Variants in RBFOX1 observed in about 807,000 individuals in gnomAD.
RBFOX1 encodes the protein RNA binding fox-1 homolog 1, also known as RNA binding protein fox-1 homolog 1.
RBFOX1 carries 8 observed loss-of-function variants against 57.7 expected under a neutral mutation model. The observed-to-expected ratio is 0.14, with a 90% CI of 0.08 to 0.25. The LOEUF (loss-of-function observed/expected upper bound fraction) is 0.25, where lower values mean the gene tolerates loss of function less well. Among genes scored for constraint, RBFOX1 ranks in the 10% least tolerant of loss-of-function variants. The pLI is 1.00. For missense variants in RBFOX1, 611 were observed against 548.5 expected, an observed-to-expected ratio of 1.11 and a Z score of -1.14; for synonymous variants, 326 against 222.4, an observed-to-expected ratio of 1.47 and a Z score of -4.15.
At chr16:7,351,091 G>A (rs1196202953) in intron 4 of RBFOX1, among the ~76,000 whole-genome samples, 1 of 152,170 alleles carries the variant, frequency 6.6e-6, no homozygotes, top group Non-Finnish European at 1.5e-5. Flanking sequence ...TTTTATTTTA[G>A]CAGAAGTAGA....
chr16:7,597,344 G>T (rs760812321), intron 8 of RBFOX1, 27 bp from the exon 9 acceptor site: 1 of 1,568,500 alleles, frequency 6.4e-7, no homozygotes, highest in Non-Finnish European at 8.7e-7. Flanking sequence ...TAGAATATGT[G>T]CTTACTTGAG....
intron 4 of RBFOX1, among the ~76,000 whole-genome samples, chr16:7,452,217 G>C (rs894845125): frequency 1.3e-5 from 2 of 152,222 alleles, no homozygotes; most frequent in Non-Finnish European, 2.9e-5. Context: ...TGAAATGTCA[G>C]ACCTTTCAGC....
chr16:5,763,439 G>T (rs1468023019), intron 3 of RBFOX1, among the ~76,000 whole-genome samples: 1 of 152,222 alleles, frequency 6.6e-6, no homozygotes, highest in East Asian at 1.9e-4. Flanking sequence ...CCATGTCTTG[G>T]AGGGAGACAG....
At chr16:7,634,784 C>A (rs1416650262) in intron 11 of RBFOX1, among the ~76,000 whole-genome samples, 1 of 152,160 alleles carries the variant, frequency 6.6e-6, no homozygotes, top group East Asian at 1.9e-4. Flanking sequence ...GGTCATCATG[C>A]ATCCTCTTAC....
chr16:6,387,503 G>A (rs1276394916), intron 2 of RBFOX1, among the ~76,000 whole-genome samples: 1 of 151,296 alleles, frequency 6.6e-6, no homozygotes, highest in Non-Finnish European at 1.5e-5. Flanking sequence ...GAAGAGAGAG[G>A]TGTAAAAAAA....
intron 5 of RBFOX1, among the ~76,000 whole-genome samples, chr16:7,536,359 C>T (rs1359018798): frequency 6.6e-6 from 1 of 152,140 alleles, no homozygotes. Flanking sequence ...TTTGGGAGGC[C>T]AAGGTGGGTG....
At chr16:6,150,904 G>A (rs564072779) in intron 1 of RBFOX1, among the ~76,000 whole-genome samples, 15 of 152,180 alleles carry the variant, frequency 9.9e-5, no homozygotes, top group South Asian at 6.2e-4. Context: ...ACATTTTCCG[G>A]CAATTCATTG....
chr16:7,145,464 C>T (rs1600899583), intron 4 of RBFOX1, among the ~76,000 whole-genome samples: 1 of 152,186 alleles, frequency 6.6e-6, no homozygotes, highest in Non-Finnish European at 1.5e-5. Flanking sequence ...CCCTCGGCCT[C>T]CCAAAGTGCT....
At chr16:5,432,543 T>A (rs1236201148) in intron 1 of RBFOX1, among the ~76,000 whole-genome samples, 1 of 143,120 alleles carries the variant, frequency 7.0e-6, no homozygotes, top group Admixed American at 7.2e-5. Flanking sequence ...GGGAGTTTTT[T>A]TTTTTTTGTT....
At chr16:7,391,195 C>G (rs146439107) in intron 4 of RBFOX1, among the ~76,000 whole-genome samples, 1 of 152,318 alleles carries the variant, frequency 6.6e-6, no homozygotes, top group East Asian at 1.9e-4. Context: ...CTGGCCCCAC[C>G]TCCGTCCCAC....
At chr16:5,364,891 G>A (rs889246621) in intron 1 of RBFOX1, among the ~76,000 whole-genome samples, 12 of 152,230 alleles carry the variant, frequency 7.9e-5, no homozygotes, top group Admixed American at 7.2e-4. Flanking sequence ...GCACCTGCTT[G>A]GGCTCCCTCC....
chr16:7,231,759 T>C (rs1367338095), intron 4 of RBFOX1, among the ~76,000 whole-genome samples: 1 of 152,174 alleles, frequency 6.6e-6, no homozygotes, highest in Non-Finnish European at 1.5e-5. Flanking sequence ...ACAACGTGGA[T>C]GGACCTCAAA....
At chr16:5,404,821 G>A (rs2066817511) in intron 1 of RBFOX1, among the ~76,000 whole-genome samples, 1 of 152,158 alleles carries the variant, frequency 6.6e-6, no homozygotes, top group African/African-American at 2.4e-5. Flanking sequence ...AGATTCCAAA[G>A]CAGTTGAGAG....
chr16:7,306,066 C>A (rs1433951204), intron 4 of RBFOX1, among the ~76,000 whole-genome samples: 1 of 152,132 alleles, frequency 6.6e-6, no homozygotes, highest in Admixed American at 6.5e-5. Flanking sequence ...TTTACATTTA[C>A]TTCTTTCATG....
At chr16:5,586,844 G>C (rs2046846184) in intron 2 of RBFOX1, among the ~76,000 whole-genome samples, 1 of 152,206 alleles carries the variant, frequency 6.6e-6, no homozygotes, top group African/African-American at 2.4e-5. Context: ...AGCTGAGGTA[G>C]CATTGATGAG....
At chr16:7,045,907 C>G (rs1415015161) in intron 3 of RBFOX1, among the ~76,000 whole-genome samples, 4 of 152,282 alleles carry the variant, frequency 2.6e-5, no homozygotes, top group East Asian at 3.9e-4. Context: ...ATCTGCCCAC[C>G]TCGGCCTCCC....
intron 1 of RBFOX1, among the ~76,000 whole-genome samples, chr16:6,239,942 G>T (rs1193019886): frequency 6.6e-6 from 1 of 152,166 alleles, no homozygotes; most frequent in Non-Finnish European, 1.5e-5. Context: ...CCCCAATGGT[G>T]GGGGGTGTTT....
intron 4 of RBFOX1, among the ~76,000 whole-genome samples, chr16:7,219,912 A>C (rs1317795112): frequency 6.6e-6 from 1 of 152,268 alleles, no homozygotes; most frequent in Non-Finnish European, 1.5e-5. Flanking sequence ...ATCAAAAAAT[A>C]GAATGATCAG....
intron 1 of RBFOX1, among the ~76,000 whole-genome samples, chr16:5,368,395 T>C (rs474399): frequency 0.86 from 131,531 of 152,184 alleles, 57,128 homozygotes; most frequent in Non-Finnish European, 0.9. Flanking sequence ...ACCTAACCAA[T>C]GTGGGTTTTC....
Sources: allele counts gnomAD v4.1 joint callset (sites outside exome capture counted in the v4.1 genomes callset), GRCh38; gene constraint gnomAD v4.1.1; transcripts MANE v1.5; gene names NCBI Gene and HGNC (gene_info 2026-07-23, HGNC 2026-07-21).